C1orf174: variants seen among roughly 807,000 people sequenced by gnomAD.
The protein encoded by C1orf174 is chromosome 1 open reading frame 174.
C1orf174 carries 13 observed loss-of-function variants against 18.4 expected under a neutral mutation model. That is an observed-to-expected ratio of 0.71 (90% CI 0.46 to 1.12). The LOEUF is 1.12. Ranked by LOEUF, C1orf174 falls within the 50% of genes most tolerant of loss-of-function variation. C1orf174 has a pLI of 0.00. For missense variants in C1orf174, 309 were observed against 308.0 expected (o/e 1.00, Z -0.02); for synonymous variants, 100 against 118.3 (o/e 0.85, Z 1.01).
intron 2 of C1orf174, 172 bp downstream of exon 2, chr1:3,892,711 T>C (rs1446507566): frequency 9.6e-6 from 14 of 1,452,736 alleles, no homozygotes; most frequent in Non-Finnish European, 1.3e-5. Flanking sequence ...AGAGTGTGTC[T>C]TTCTCTGAAG....
In C1orf174 at chr1:3,890,892, C is replaced by T; in HGVS notation, c.295G>A (p.Gly99Ser). 1.2e-6 allele frequency: 2 copies of T among 1,613,988 alleles called. No individual in the cohort carries two copies. The highest frequency in any genetic ancestry group is 1.7e-6 in the Non-Finnish European group (2 of 1,180,024). ...TCGCTGCCTGGAAGCAAGGCACTGC[C>T]TTCAGCAAACTCATTTTCACAAGGG... ...ETPCENEFAE[G>S]SALLPGSEAG... The change falls in exon 3 of 4, where the codon GGC (glycine) becomes AGC (serine). Residue 99 changes from glycine (G) to serine (S), a missense_variant. Physicochemically the swap from Gly to Ser is moderately conservative, Grantham distance 56. Coordinates refer to ENST00000361605, the MANE Select transcript of C1orf174 (RefSeq NM_207356.3).
intron 1 of C1orf174, among the ~76,000 whole-genome samples, chr1:3,894,484 G>A (rs1638569290): frequency 6.6e-6 from 1 of 151,356 alleles, no homozygotes; most frequent in Non-Finnish European, 1.5e-5. Context: ...GTGGGCGCCT[G>A]TAGTCCCAGC....
chr1:3,890,124 C>T, intron 3 of C1orf174, 51 bp from the exon 4 acceptor site: 1 of 1,441,330 alleles, frequency 6.9e-7, no homozygotes, highest in Non-Finnish European at 9.8e-7. Context: ...CATATCTGCA[C>T]CCGCATTTGC....
Position 3,890,785 on chromosome 1 carries a change from C to G in C1orf174, c.402G>C (p.Lys134Asn), listed in dbSNP as rs747057668. The change falls in exon 3 of 4, where the codon AAG becomes AAC. Residue 134 changes from lysine to asparagine, a missense_variant. Transcript: ENST00000361605. ...CRVVSDSRLA[K>N]TRDGLSVPKH... ...TTGGCACGGACAGGCCATCTCTAGT[C>G]TTTGCTAAGCGAGAGTCACTCACAA... The G allele has an allele frequency of 6.2e-7, 1 of 1,613,948 alleles. No individual in the cohort carries two copies. Among genetic ancestry groups the G allele is most frequent in the Admixed American group, 1.7e-5 (1 of 60,022 alleles).
At chr1:3,897,153 A>G (rs1638620112) in intron 1 of C1orf174, among the ~76,000 whole-genome samples, 1 of 152,216 alleles carries the variant, frequency 6.6e-6, no homozygotes, top group African/African-American at 2.4e-5. Context: ...AAAGAAAAAG[A>G]AAAGTAGGCT....
chr1:3,899,057 A>G (rs951556952), intron 1 of C1orf174, among the ~76,000 whole-genome samples: 30 of 92,058 alleles, frequency 3.3e-4, no homozygotes, highest in South Asian at 1.7e-3. Context: ...AAAGTTGTGG[A>G]AAAAAAATCA....
At chr1:3,894,837 T>C (rs1424523555) in intron 1 of C1orf174, among the ~76,000 whole-genome samples, 1 of 152,148 alleles carries the variant, frequency 6.6e-6, no homozygotes, top group Non-Finnish European at 1.5e-5. Context: ...AAGTGCCTGC[T>C]ACCACAGCAC....
chr1:3,894,883 G>C (rs1638578771), intron 1 of C1orf174, among the ~76,000 whole-genome samples: 1 of 152,244 alleles, frequency 6.6e-6, no homozygotes, highest in Non-Finnish European at 1.5e-5. Flanking sequence ...CACAAGGGCA[G>C]GGCTTTGCTG....
chr1:3,892,823 T>C (rs1400327924), intron 2 of C1orf174, 60 bp downstream of exon 2: 2 of 1,577,662 alleles, frequency 1.3e-6, no homozygotes, highest in Non-Finnish European at 1.7e-6. Flanking sequence ...AGTGGCAATT[T>C]TGTATAAAAA....
In C1orf174 at chr1:3,890,574, T is replaced by A. The variant is rs746866376; in HGVS notation, c.613A>T (p.Met205Leu). 1 of 1,614,068 alleles carries A rather than the reference T, an allele frequency of 6.2e-7. No homozygotes were observed. The highest frequency in any genetic ancestry group is 1.1e-5 in the South Asian group (1 of 91,076). Reference sequence around the variant, plus strand: ...GAGGAAGGCGCCGCTCTTACCTGCATGAGCTCAACGTTTCCAAAGAACCGG... The same window carrying A: ...GAGGAAGGCGCCGCTCTTACCTGCAAGAGCTCAACGTTTCCAAAGAACCGG... ...VSRFFGNVELMQDLPPASSSC... is the reference protein window; with the variant it reads ...VSRFFGNVELLQDLPPASSSC... Residue 205 changes from methionine to leucine, a missense_variant, in exon 3 of 4, where the codon ATG (methionine) becomes TTG (leucine). Transcript: ENST00000361605.
chr1:3,896,020 A>G (rs998060159), intron 1 of C1orf174: 2 of 152,648 alleles, frequency 1.3e-5, no homozygotes, highest in Admixed American at 1.3e-4. Context: ...GCTCCAGAAC[A>G]CCTACATACA....
intron 1 of C1orf174, among the ~76,000 whole-genome samples, chr1:3,899,697 A>C (rs903250453): frequency 3.9e-5 from 6 of 152,110 alleles, no homozygotes; most frequent in Admixed American, 3.9e-4. Context: ...AGGGTGCCCC[A>C]CCTTCCTAGG....
intron 3 of C1orf174, 42 bp from the exon 4 acceptor site, chr1:3,890,115 A>AT (rs1557737978): frequency 2.0e-6 from 3 of 1,491,920 alleles, no homozygotes; most frequent in Non-Finnish European, 2.8e-6. Flanking sequence ...TGAGCAATAC[A>AT]TATCTGCACC....
At chr1:3,891,461 A>G (rs1638511875) in intron 2 of C1orf174, 7 of 376,564 alleles carry the variant, frequency 1.9e-5, no homozygotes, top group Non-Finnish European at 2.6e-5. Context: ...TTTATTCACC[A>G]ATTAGTGCCT....
chr1:3,897,893 G>A (rs1466188029), intron 1 of C1orf174, among the ~76,000 whole-genome samples: 1 of 152,086 alleles, frequency 6.6e-6, no homozygotes, highest in Non-Finnish European at 1.5e-5. Context: ...TCAATCTCCT[G>A]ACCTTGTGAT....
chr1:3,895,032 A>G (rs1427259781), intron 1 of C1orf174, among the ~76,000 whole-genome samples: 1 of 152,124 alleles, frequency 6.6e-6, no homozygotes, highest in Admixed American at 6.5e-5. Context: ...ATCTCCCTAA[A>G]ACGCCATCAC....
rs143186192 is a variant in C1orf174, at chr1:3,895,003, C to A, written c.16-2007G>T. 2.0e-5 allele frequency among the ~76,000 whole-genome samples: 3 copies of A among 152,368 alleles called. No homozygotes were observed. In the East Asian group the frequency reaches 5.8e-4, roughly 29 times the overall value. The stretch of plus-strand genomic sequence containing the variant: ...AACATCTCTCATCAAAATCCTCCCA[C>A]TGGGTCTTAAACAAGCCCATCTCCC... On this transcript the variant is annotated intron_variant, in intron 1 of 3. Transcript: ENST00000361605.
chr1:3,891,735 G>A (rs1056844276), intron 2 of C1orf174: 2 of 985,844 alleles, frequency 2.0e-6, no homozygotes, highest in African/African-American at 3.5e-5. Context: ...CAAGCCTCTG[G>A]CGGTGAGGCT....
intron 2 of C1orf174, 129 bp from the exon 3 acceptor site, chr1:3,891,186 G>A (rs1638504422): frequency 6.6e-6 from 8 of 1,220,202 alleles, no homozygotes; most frequent in Middle Eastern, 2.2e-4. Context: ...TTCACAGATC[G>A]TCATTTCACT....
Sources: gnomAD v4.1 joint callset for allele counts (sites outside exome capture counted in the v4.1 genomes callset) on GRCh38, gnomAD v4.1.1 for gene constraint, MANE v1.5 for transcripts, NCBI Gene and HGNC (gene_info 2026-07-23, HGNC 2026-07-21) for gene names.